The following CYRIA variants were observed in gnomAD, a reference collection of about 807,000 sequenced individuals.
CYRIA encodes the protein CYFIP-related Rac1 interactor A.
A neutral mutation model predicts 43.9 loss-of-function variants in CYRIA; 15 were observed. The observed-to-expected ratio is 0.34, with a 90% CI of 0.23 to 0.53. The LOEUF is 0.53. Among genes scored for constraint, CYRIA ranks in the 20% least tolerant of loss-of-function variants. The pLI, the probability that CYRIA is intolerant of heterozygous loss-of-function variation, is 0.94. For synonymous variants in CYRIA, 117 were observed against 136.0 expected (o/e 0.86, Z 0.97); for missense variants, 236 against 394.2 (o/e 0.60, Z 3.40).
chr2:16,567,393 A>G (rs1666971977), intron 3 of CYRIA, among the ~76,000 whole-genome samples: 1 of 152,120 alleles, frequency 6.6e-6, no homozygotes, highest in African/African-American at 2.4e-5. Flanking sequence ...ACAGGGTGAG[A>G]CACCATCTCA....
At chr2:16,612,784 C>T (rs1668650566) in intron 2 of CYRIA, among the ~76,000 whole-genome samples, 1 of 152,188 alleles carries the variant, frequency 6.6e-6, no homozygotes, top group South Asian at 2.1e-4. Flanking sequence ...TTTTATGGAA[C>T]TTCTTGATAT....
chr2:16,657,209 A>C (rs777503024), intron 1 of CYRIA, among the ~76,000 whole-genome samples: 16 of 152,172 alleles, frequency 1.1e-4, no homozygotes, highest in Non-Finnish European at 2.1e-4. Flanking sequence ...ACAGACCCAA[A>C]ATAAGAACCA....
chr2:16,603,602 T>C (rs1260589099), intron 2 of CYRIA, among the ~76,000 whole-genome samples: 8 of 152,272 alleles, frequency 5.3e-5, no homozygotes, highest in Admixed American at 5.2e-4. Context: ...CTCTTCTGAG[T>C]GAGCTCCTCG....
intron 2 of CYRIA, among the ~76,000 whole-genome samples, chr2:16,607,180 T>C (rs532603116): frequency 2.0e-5 from 3 of 152,180 alleles, no homozygotes; most frequent in Admixed American, 2.0e-4. Flanking sequence ...CAAACAAAAC[T>C]AACATGTTAA....
At chr2:16,558,927 A>G (rs1666626188) in intron 10 of CYRIA, among the ~76,000 whole-genome samples, 1 of 152,080 alleles carries the variant, frequency 6.6e-6, no homozygotes, top group African/African-American at 2.4e-5. Flanking sequence ...GTCTGAAAGG[A>G]ACCCACCCAT....
chr2:16,554,985 G>T, intron 11 of CYRIA, 84 bp downstream of exon 11: 3 of 998,454 alleles, frequency 3.0e-6, no homozygotes, highest in Non-Finnish European at 4.6e-6. Context: ...GTTAAGTTTG[G>T]TGCTATCCAC....
chr2:16,568,278 G>C (rs1667019675), intron 3 of CYRIA, among the ~76,000 whole-genome samples: 1 of 144,562 alleles, frequency 6.9e-6, no homozygotes, highest in East Asian at 2.0e-4. Flanking sequence ...CTGGTCCTAA[G>C]CGTTTTTGGA....
intron 3 of CYRIA, among the ~76,000 whole-genome samples, chr2:16,573,447 A>G (rs1055240431): frequency 2.0e-5 from 3 of 152,236 alleles, no homozygotes; most frequent in African/African-American, 4.8e-5. Context: ...CAGCCAAGGT[A>G]TGAGAGAAAG....
intron 1 of CYRIA, among the ~76,000 whole-genome samples, chr2:16,643,340 G>C (rs1243865393): frequency 6.6e-6 from 1 of 152,096 alleles, no homozygotes; most frequent in Non-Finnish European, 1.5e-5. Context: ...TGTAGGCAGG[G>C]GGAGCTTGAG....
chr2:16,617,485 A>T (rs189058702), intron 2 of CYRIA, among the ~76,000 whole-genome samples: 1 of 152,364 alleles, frequency 6.6e-6, no homozygotes, highest in Non-Finnish European at 1.5e-5. Flanking sequence ...AGGAACAAAG[A>T]CAGGGTTGGA....
intron 3 of CYRIA, among the ~76,000 whole-genome samples, chr2:16,566,818 A>G (rs952841130): frequency 3.9e-5 from 6 of 152,114 alleles, no homozygotes; most frequent in African/African-American, 1.2e-4. Context: ...TTATCTTGCA[A>G]TTCCTATGCA....
chr2:16,659,393 A>T (rs1479905082), intron 1 of CYRIA, among the ~76,000 whole-genome samples: 1 of 152,188 alleles, frequency 6.6e-6, no homozygotes, highest in Non-Finnish European at 1.5e-5. Context: ...TAAAATGGGG[A>T]TAATATCTGT....
chr2:16,660,838 A>G (rs561100320), intron 1 of CYRIA, among the ~76,000 whole-genome samples: 3 of 152,348 alleles, frequency 2.0e-5, no homozygotes, highest in African/African-American at 7.2e-5. Flanking sequence ...TGCAGCGCTA[A>G]GCTGGACCTG....
intron 3 of CYRIA, among the ~76,000 whole-genome samples, chr2:16,574,498 G>A (rs1022452935): frequency 6.6e-6 from 1 of 152,242 alleles, no homozygotes; most frequent in African/African-American, 2.4e-5. Context: ...GGGTATGTCA[G>A]AGAACTTTCC....
At chr2:16,619,644 C>T (rs1668931312) in intron 2 of CYRIA, among the ~76,000 whole-genome samples, 1 of 152,174 alleles carries the variant, frequency 6.6e-6, no homozygotes, top group South Asian at 2.1e-4. Flanking sequence ...TCACTAACAC[C>T]TCCATAGGGT....
chr2:16,572,581 G>A (rs1206356692), intron 3 of CYRIA, among the ~76,000 whole-genome samples: 1 of 152,138 alleles, frequency 6.6e-6, no homozygotes, highest in Non-Finnish European at 1.5e-5. Flanking sequence ...AGCAACAACA[G>A]CAACGATCCC....
chr2:16,638,769 CGT>C (rs2103531863), intron 1 of CYRIA, among the ~76,000 whole-genome samples: 1 of 152,130 alleles, frequency 6.6e-6, no homozygotes, highest in South Asian at 2.1e-4. Flanking sequence ...TATTTTATAT[CGT>C]GTGAGTGTGG....
chr2:16,574,802 C>T (rs1267001888), intron 3 of CYRIA, among the ~76,000 whole-genome samples: 1 of 152,220 alleles, frequency 6.6e-6, no homozygotes, highest in African/African-American at 2.4e-5. Flanking sequence ...CAGAAATCTG[C>T]TGCAGGGGTG....
chr2:16,635,055 C>T (rs148724436), intron 1 of CYRIA, among the ~76,000 whole-genome samples: 8 of 152,312 alleles, frequency 5.3e-5, no homozygotes, highest in Admixed American at 1.3e-4. Context: ...CTTCCTGGTC[C>T]TAAGTTTCCT....
Sources: allele counts gnomAD v4.1 joint callset (sites outside exome capture counted in the v4.1 genomes callset), GRCh38; gene constraint gnomAD v4.1.1; transcripts MANE v1.5; gene names NCBI Gene and HGNC (gene_info 2026-07-23, HGNC 2026-07-21).